Variants in STK32B observed in about 807,000 individuals in gnomAD.
STK32B encodes serine/threonine-protein kinase 32B.
A neutral mutation model predicts 52.6 loss-of-function variants in STK32B; 43 were observed. The ratio of observed to expected loss-of-function variants is 0.82; its 90% CI spans 0.64 to 1.05. The LOEUF is 1.05. Ranked by LOEUF, STK32B falls within the 50% of genes least tolerant of loss-of-function variation. The probability of loss-of-function intolerance (pLI) is 0.00; values close to 1 mark genes in which losing one functional copy is unlikely to be tolerated. For synonymous variants in STK32B, 238 were observed against 204.3 expected, an observed-to-expected ratio of 1.17 and a Z score of -1.41; for missense variants, 621 against 534.6, an observed-to-expected ratio of 1.16 and a Z score of -1.59.
intron 3 of STK32B, among the ~76,000 whole-genome samples, chr4:5,244,555 GT>G (rs1560254390): frequency 6.6e-6 from 1 of 152,086 alleles, no homozygotes; most frequent in African/African-American, 2.4e-5. Context: ...TATTTGAAGG[GT>G]TTTTTGTGTC....
At chr4:5,422,186 T>C (rs1712700276) in intron 6 of STK32B, among the ~76,000 whole-genome samples, 1 of 152,236 alleles carries the variant, frequency 6.6e-6, no homozygotes, top group Non-Finnish European at 1.5e-5. Context: ...ATGGTTGTAT[T>C]TTCAGACACT....
intron 3 of STK32B, among the ~76,000 whole-genome samples, chr4:5,176,096 G>A (rs1305804093): frequency 1.3e-5 from 2 of 152,250 alleles, no homozygotes; most frequent in African/African-American, 2.4e-5. Flanking sequence ...AGGACCCTCT[G>A]AGCCATGTGC....
intron 1 of STK32B, among the ~76,000 whole-genome samples, chr4:5,109,283 T>C (rs1714266318): frequency 6.6e-6 from 1 of 152,224 alleles, no homozygotes; most frequent in African/African-American, 2.4e-5. Context: ...CAGGGCTAGT[T>C]ATTCATTCAT....
intron 3 of STK32B, among the ~76,000 whole-genome samples, chr4:5,198,893 T>C (rs1346324309): frequency 6.6e-6 from 1 of 152,228 alleles, no homozygotes; most frequent in Non-Finnish European, 1.5e-5. Flanking sequence ...GCACAGTGTT[T>C]ATACAGAGGT....
chr4:5,082,061 C>T (rs771865464), intron 1 of STK32B, among the ~76,000 whole-genome samples: 1 of 152,140 alleles, frequency 6.6e-6, no homozygotes, highest in Non-Finnish European at 1.5e-5. Context: ...CTAGTCAGCC[C>T]AGCTAGGATT....
intron 3 of STK32B, among the ~76,000 whole-genome samples, chr4:5,258,348 A>G (rs960523231): frequency 5.9e-5 from 9 of 152,148 alleles, no homozygotes; most frequent in African/African-American, 2.2e-4. Flanking sequence ...TTTGGAGACA[A>G]TTATGAGATT....
intron 3 of STK32B, among the ~76,000 whole-genome samples, chr4:5,290,065 A>G (rs1256666274): frequency 6.6e-6 from 1 of 151,974 alleles, no homozygotes; most frequent in Non-Finnish European, 1.5e-5. Context: ...CTTTGTGTTC[A>G]TAGGTACTAT....
At chr4:5,291,980 A>G (rs1427442240) in intron 3 of STK32B, among the ~76,000 whole-genome samples, 1 of 152,102 alleles carries the variant, frequency 6.6e-6, no homozygotes, top group Non-Finnish European at 1.5e-5. Context: ...AGTACCCAAT[A>G]AGTAGTTTTA....
chr4:5,120,223 G>T (rs1714952648), intron 1 of STK32B, among the ~76,000 whole-genome samples: 1 of 152,128 alleles, frequency 6.6e-6, no homozygotes, highest in African/African-American at 2.4e-5. Flanking sequence ...CATCGTCATG[G>T]CTTGATGATC....
At chr4:5,296,077 A>T (rs1729180058) in intron 3 of STK32B, among the ~76,000 whole-genome samples, 1 of 152,066 alleles carries the variant, frequency 6.6e-6, no homozygotes, top group Admixed American at 6.5e-5. Flanking sequence ...TGTGGTTTTG[A>T]GTGAGTTTCT....
intron 1 of STK32B, among the ~76,000 whole-genome samples, chr4:5,129,239 T>C (rs1477317976): frequency 6.6e-6 from 1 of 152,214 alleles, no homozygotes; most frequent in East Asian, 1.9e-4. Context: ...TTTTATTTTA[T>C]TATATTTTTC....
chr4:5,190,010 C>A (rs1056395409), intron 3 of STK32B, among the ~76,000 whole-genome samples: 3 of 152,202 alleles, frequency 2.0e-5, no homozygotes, highest in Admixed American at 6.5e-5. Context: ...TCCTTGTCTT[C>A]CCCACAAATC....
chr4:5,027,326 C>T, the STK32B span, among the ~76,000 whole-genome samples: 2 of 152,082 alleles, frequency 1.3e-5, no homozygotes, highest in Non-Finnish European at 2.9e-5. Context: ...CCTTCATAAG[C>T]CCCCAAAACA....
At chr4:5,137,091 C>T (rs1198084370) in intron 1 of STK32B, among the ~76,000 whole-genome samples, 1 of 152,130 alleles carries the variant, frequency 6.6e-6, no homozygotes, top group South Asian at 2.1e-4. Flanking sequence ...TAATTAACAC[C>T]TCCCTCCAGT....
At chr4:5,241,818 C>A (rs763485198) in intron 3 of STK32B, among the ~76,000 whole-genome samples, 1 of 152,110 alleles carries the variant, frequency 6.6e-6, no homozygotes, top group Non-Finnish European at 1.5e-5. Flanking sequence ...TCAGTGAGAA[C>A]ATGCGGTGTT....
At chr4:5,182,775 AAAT>A (rs2108754790) in intron 3 of STK32B, among the ~76,000 whole-genome samples, 1 of 152,148 alleles carries the variant, frequency 6.6e-6, no homozygotes, top group East Asian at 1.9e-4. Flanking sequence ...TGTACTTCTT[AAAT>A]AATAAGATGT....
At chr4:5,417,469 T>C (rs1479527702) in intron 6 of STK32B, among the ~76,000 whole-genome samples, 2 of 152,246 alleles carry the variant, frequency 1.3e-5, no homozygotes, top group East Asian at 1.9e-4. Context: ...CTCAAATCTT[T>C]ATTACCTCTT....
At chr4:5,366,191 A>G (rs1371290932) in intron 4 of STK32B, among the ~76,000 whole-genome samples, 3 of 152,142 alleles carry the variant, frequency 2.0e-5, no homozygotes, top group African/African-American at 7.2e-5. Flanking sequence ...CTGGGCCTTG[A>G]TAGAGTTGGC....
At chr4:5,261,070 A>G (rs906998311) in intron 3 of STK32B, among the ~76,000 whole-genome samples, 8 of 152,134 alleles carry the variant, frequency 5.3e-5, no homozygotes, top group African/African-American at 1.9e-4. Context: ...ACAACTCCAA[A>G]CATGGCTGAT....
Sources: gnomAD v4.1 joint callset for allele counts (sites outside exome capture counted in the v4.1 genomes callset) on GRCh38, gnomAD v4.1.1 for gene constraint, MANE v1.5 for transcripts, NCBI Gene and HGNC (gene_info 2026-07-23, HGNC 2026-07-21) for gene names.